The following XIRP2 variants were observed in gnomAD, a reference collection of about 807,000 sequenced individuals.
XIRP2 encodes xin actin binding repeat containing 2.
A neutral mutation model predicts 277.0 loss-of-function variants in XIRP2; 236 were observed. That is an observed-to-expected ratio of 0.85 (90% CI 0.77 to 0.95). The LOEUF (loss-of-function observed/expected upper bound fraction) is 0.95. Ranked by LOEUF, XIRP2 falls within the 40% of genes least tolerant of loss-of-function variation. XIRP2 has a pLI of 0.00. For synonymous variants in XIRP2, 1,490 were observed against 1,416.5 expected (o/e 1.05, Z -1.17); for missense variants, 4,640 against 4,157.5 (o/e 1.12, Z -3.19).
intron 2 of XIRP2, among the ~76,000 whole-genome samples, chr2:166,964,240 T>G (rs1346697244): frequency 2.0e-5 from 3 of 151,814 alleles, no homozygotes; most frequent in Admixed American, 2.0e-4. Flanking sequence ...TAAAATTATA[T>G]TGATAATACT....
At chr2:167,194,009 G>A (rs772050775) in intron 3 of XIRP2, among the ~76,000 whole-genome samples, 1 of 151,946 alleles carries the variant, frequency 6.6e-6, no homozygotes, top group Non-Finnish European at 1.5e-5. Context: ...TCTTCCAGGG[G>A]TGGATATATA....
intron 2 of XIRP2, among the ~76,000 whole-genome samples, chr2:166,911,939 A>T (rs1037644810): frequency 1.3e-5 from 2 of 151,802 alleles, no homozygotes; most frequent in African/African-American, 4.8e-5. Flanking sequence ...TTTGGCCTCC[A>T]CTCTCTTCTG....
chr2:166,908,075 ATG>A, intron 2 of XIRP2, among the ~76,000 whole-genome samples: 1 of 152,192 alleles, frequency 6.6e-6, no homozygotes, highest in African/African-American at 2.4e-5. Context: ...CAGTAAACAT[ATG>A]TGTGCATATG....
chr2:167,018,481 A>G (rs997600411), intron 2 of XIRP2, among the ~76,000 whole-genome samples: 2 of 152,038 alleles, frequency 1.3e-5, no homozygotes, highest in African/African-American at 2.4e-5. Context: ...AGTCCATGAT[A>G]AGAAACCTGA....
intron 10 of XIRP2, 97 bp from the exon 11 acceptor site, chr2:167,257,760 G>C: frequency 7.8e-6 from 10 of 1,280,398 alleles, no homozygotes; most frequent in Non-Finnish European, 1.1e-5. Context: ...AGTAACTTAA[G>C]TTTACTAGTC....
At position 167,122,212 on chromosome 2, in the gene XIRP2, T is replaced by C. The variant is rs539568694; in HGVS notation, c.409-13697T>C. On this transcript the variant is annotated intron_variant, in intron 2 of 10. Coordinates refer to ENST00000409195, the MANE Select transcript of XIRP2 (RefSeq NM_152381.6). ...TATTAAATAATTGTACACATGCACA[T>C]AGGCAAGAATCTTTCTTTAAAATGT... Among the ~76,000 whole-genome samples the C allele has an allele frequency of 1.6e-4, 24 of 152,244 alleles. No individual in the cohort carries two copies. The South Asian group carries it at 4.1e-3, about 26-fold the overall frequency.
chr2:167,175,653 G>A (rs112731427), intron 3 of XIRP2, among the ~76,000 whole-genome samples: 15,016 of 152,196 alleles, frequency 0.099, 790 homozygotes, highest in South Asian at 0.16. Context: ...TCCCTTAACA[G>A]AGCTTGAACG....
chr2:167,062,620 T>C (rs1427106146), intron 2 of XIRP2, among the ~76,000 whole-genome samples: 2 of 152,160 alleles, frequency 1.3e-5, no homozygotes, highest in Non-Finnish European at 2.9e-5. Flanking sequence ...TAATGGAATT[T>C]CACCAAGGAA....
At chr2:167,192,446 T>C (rs1185520433) in intron 3 of XIRP2, among the ~76,000 whole-genome samples, 2 of 152,172 alleles carry the variant, frequency 1.3e-5, no homozygotes, top group African/African-American at 2.4e-5. Context: ...GACAAATAAT[T>C]AGCAGTTTGT....
intron 2 of XIRP2, among the ~76,000 whole-genome samples, chr2:167,105,485 T>C (rs545414128): frequency 3.3e-5 from 5 of 152,032 alleles, no homozygotes; most frequent in African/African-American, 1.2e-4. Flanking sequence ...GTACAAATAG[T>C]TTGTTCATTT....
At chr2:167,230,353 C>T (rs751132433) in intron 5 of XIRP2, among the ~76,000 whole-genome samples, 23 of 151,974 alleles carry the variant, frequency 1.5e-4, no homozygotes, top group Non-Finnish European at 3.1e-4. Context: ...TAACCCCCAC[C>T]GTCATAGTTT....
chr2:166,985,469 C>T (rs1686978327), intron 2 of XIRP2, among the ~76,000 whole-genome samples: 1 of 150,684 alleles, frequency 6.6e-6, no homozygotes, highest in Admixed American at 6.6e-5. Flanking sequence ...GAGTCTCTGT[C>T]GCCCAGGCTG....
intron 2 of XIRP2, among the ~76,000 whole-genome samples, chr2:167,057,049 T>C (rs1689052898): frequency 6.6e-6 from 1 of 152,160 alleles, no homozygotes; most frequent in Non-Finnish European, 1.5e-5. Context: ...GTTGGCTTGG[T>C]ATATTTAATG....
intron 2 of XIRP2, among the ~76,000 whole-genome samples, chr2:167,059,556 A>G (rs968472308): frequency 2.5e-4 from 38 of 152,144 alleles, no homozygotes; most frequent in African/African-American, 8.9e-4. Context: ...CATAAGAACT[A>G]GAATCCAAGA....
At chr2:167,112,290 G>A (rs984739136) in intron 2 of XIRP2, among the ~76,000 whole-genome samples, 8 of 151,776 alleles carry the variant, frequency 5.3e-5, no homozygotes, top group African/African-American at 1.9e-4. Flanking sequence ...TTTAATGTGG[G>A]CATTAGTGTT....
At chr2:166,897,313 G>A (rs1178992881) in intron 1 of XIRP2, among the ~76,000 whole-genome samples, 1 of 152,088 alleles carries the variant, frequency 6.6e-6, no homozygotes, top group Non-Finnish European at 1.5e-5. Flanking sequence ...TGTGCCTACT[G>A]CCCTGTTGCT....
chr2:166,995,276 A>G (rs1437319049), intron 2 of XIRP2, among the ~76,000 whole-genome samples: 1 of 152,184 alleles, frequency 6.6e-6, no homozygotes, highest in East Asian at 1.9e-4. Context: ...GCATTTGGAT[A>G]TATGCTTTGT....
At chr2:167,165,592 A>T (rs993145919) in intron 3 of XIRP2, among the ~76,000 whole-genome samples, 1 of 152,188 alleles carries the variant, frequency 6.6e-6, no homozygotes, top group African/African-American at 2.4e-5. Context: ...TTCTTTGACG[A>T]TGATGTGGAG....
intron 8 of XIRP2, 39 bp from the exon 9 acceptor site, chr2:167,242,530 C>T: frequency 6.4e-7 from 1 of 1,570,826 alleles, no homozygotes; most frequent in Non-Finnish European, 8.6e-7. Flanking sequence ...TCTGCCACTA[C>T]ACTCACCTTT....
Sources: allele counts gnomAD v4.1 joint callset (sites outside exome capture counted in the v4.1 genomes callset), GRCh38; gene constraint gnomAD v4.1.1; transcripts MANE v1.5; gene names NCBI Gene and HGNC (gene_info 2026-07-23, HGNC 2026-07-21).